PPHLN1: variants seen among roughly 807,000 people sequenced by gnomAD.
PPHLN1 encodes the protein periphilin 1.
Under a neutral mutation model 51.3 loss-of-function variants are expected in PPHLN1, and 29 were observed. The observed-to-expected ratio is 0.57, with a 90% CI of 0.42 to 0.77. The LOEUF (loss-of-function observed/expected upper bound fraction) is 0.77, where lower values mean the gene tolerates loss of function less well. Ranked by LOEUF, PPHLN1 falls within the 30% of genes least tolerant of loss-of-function variation. PPHLN1 has a pLI of 0.00. For synonymous variants in PPHLN1, 147 were observed against 147.8 expected, an observed-to-expected ratio of 0.99 and a Z score of 0.04; for missense variants, 436 against 438.4, an observed-to-expected ratio of 0.99 and a Z score of 0.05.
intron 2 of PPHLN1, among the ~76,000 whole-genome samples, chr12:42,344,954 G>GC (rs762413028): frequency 1.3e-5 from 2 of 151,920 alleles, no homozygotes; most frequent in African/African-American, 2.4e-5. Flanking sequence ...AAACTGATCT[G>GC]CCCCCCTCAG....
chr12:42,351,748 T>C, intron 2 of PPHLN1, 137 bp from the exon 3 acceptor site: 1 of 585,484 alleles, frequency 1.7e-6, no homozygotes, highest in East Asian at 3.5e-5. Context: ...GTTATATTTA[T>C]GTTATTTCAT....
intron 4 of PPHLN1, among the ~76,000 whole-genome samples, chr12:42,373,550 G>T (rs1160867695): frequency 6.6e-6 from 1 of 152,174 alleles, no homozygotes; most frequent in Non-Finnish European, 1.5e-5. Flanking sequence ...CTATTGGTAT[G>T]TCTCTTAGCA....
intron 2 of PPHLN1, among the ~76,000 whole-genome samples, chr12:42,347,685 C>T (rs1426322620): frequency 6.6e-6 from 1 of 152,138 alleles, no homozygotes; most frequent in Non-Finnish European, 1.5e-5. Flanking sequence ...GAGGCTGAGG[C>T]AGGAGAATCA....
chr12:42,357,421 A>G (rs1482954144), intron 4 of PPHLN1, among the ~76,000 whole-genome samples: 1 of 152,228 alleles, frequency 6.6e-6, no homozygotes, highest in African/African-American at 2.4e-5. Context: ...TTGATGTCAA[A>G]TAGACCAGTG....
rs1412737597 is a variant in PPHLN1 at position 42,393,662 on chromosome 12, T to C, written c.741T>C (p.Ser247=). ...AAEKLEKSDE[S]NLPEISEYEA... Reference sequence around the variant, plus strand: ...AAAAGCTAGAGAAATCAGATGAAAGTAACTTGCCTGAAATTTCTGAGTATG... The same window carrying C: ...AAAAGCTAGAGAAATCAGATGAAAGCAACTTGCCTGAAATTTCTGAGTATG... The change falls in exon 8 of 10, where the codon AGT becomes AGC. Residue 247 remains serine (S), a synonymous_variant. Transcript: ENST00000358314. The C allele has an allele frequency of 6.2e-7, 1 of 1,609,216 alleles. No homozygotes were observed. The highest frequency in any genetic ancestry group is 8.5e-7 in the Non-Finnish European group (1 of 1,178,504).
chr12:42,331,450 A>AGAAATTG (rs1363048711), intron 1 of PPHLN1, among the ~76,000 whole-genome samples: 2 of 152,222 alleles, frequency 1.3e-5, no homozygotes, highest in Non-Finnish European at 2.9e-5. Flanking sequence ...AATTTCCATG[A>AGAAATTG]CACTTTTGCT....
intron 9 of PPHLN1, among the ~76,000 whole-genome samples, chr12:42,429,505 C>T (rs1282223499): frequency 6.6e-6 from 1 of 152,204 alleles, no homozygotes; most frequent in Non-Finnish European, 1.5e-5. Context: ...GAACAGTTCA[C>T]GCTGTCTTAG....
intron 3 of PPHLN1, among the ~76,000 whole-genome samples, chr12:42,352,307 CTA>C (rs924878513): frequency 6.6e-6 from 1 of 151,928 alleles, no homozygotes; most frequent in Admixed American, 6.6e-5. Context: ...TTTTATTCCC[CTA>C]AATTGGCAGG....
At chr12:42,345,176 G>A (rs973312851) in intron 2 of PPHLN1, among the ~76,000 whole-genome samples, 11 of 152,028 alleles carry the variant, frequency 7.2e-5, no homozygotes, top group African/African-American at 2.7e-4. Flanking sequence ...TTCACCAGTT[G>A]GAAAACTAGG....
chr12:42,399,727 C>G (rs2078617915), intron 9 of PPHLN1: 1 of 152,230 alleles, frequency 6.6e-6, no homozygotes, highest in Non-Finnish European at 1.5e-5. Flanking sequence ...AGGGAATGGT[C>G]TCAAATCCTA....
chr12:42,365,847 G>T (rs1262518037), intron 4 of PPHLN1, among the ~76,000 whole-genome samples: 1 of 152,092 alleles, frequency 6.6e-6, no homozygotes, highest in Non-Finnish European at 1.5e-5. Context: ...CATAATCCTG[G>T]TTGTATTGTT....
At chr12:42,329,557 A>G (rs1365206213) in intron 1 of PPHLN1, among the ~76,000 whole-genome samples, 1 of 152,196 alleles carries the variant, frequency 6.6e-6, no homozygotes. Context: ...ATAATCTAAG[A>G]TACTATATAG....
Position 42,351,021 on chromosome 12 carries a change from G to A in PPHLN1, c.73-864G>A, listed in dbSNP as rs181226850. 3.6e-3 allele frequency among the ~76,000 whole-genome samples: 545 copies of A among 152,128 alleles called. 5 individuals are homozygous for A. The highest frequency in any genetic ancestry group is 0.013 in the African/African-American group (529 of 41,504). ...CGGGAGAGGGAGAGGGGGAGGGGAAGAGGGAGAGGGTTTTGTTTTTTTCCA... is the reference window on the plus strand; with the variant it reads ...CGGGAGAGGGAGAGGGGGAGGGGAAAAGGGAGAGGGTTTTGTTTTTTTCCA... On this transcript the variant is annotated intron_variant, in intron 2 of 9. Transcript: ENST00000358314.
chr12:42,344,224 G>A (rs2071929277), intron 2 of PPHLN1, among the ~76,000 whole-genome samples: 1 of 152,170 alleles, frequency 6.6e-6, no homozygotes, highest in Non-Finnish European at 1.5e-5. Context: ...TGCATTGTAA[G>A]TTGATTGTGA....
chr12:42,373,295 C>T (rs2075968737), intron 4 of PPHLN1, among the ~76,000 whole-genome samples: 1 of 148,916 alleles, frequency 6.7e-6, no homozygotes. Flanking sequence ...AGTGACTAAA[C>T]TAGTGCTAGA....
chr12:42,373,031 G>A (rs1385339846), intron 4 of PPHLN1, among the ~76,000 whole-genome samples: 1 of 152,144 alleles, frequency 6.6e-6, no homozygotes, highest in African/African-American at 2.4e-5. Flanking sequence ...AGATACCACT[G>A]TCTCTTGCCT....
intron 9 of PPHLN1, among the ~76,000 whole-genome samples, chr12:42,418,237 T>TA (rs1555216929): frequency 0.012 from 1,350 of 115,782 alleles, 19 homozygotes; most frequent in South Asian, 0.044. Flanking sequence ...TTTTTTTTTT[T>TA]AATCAACGCA....
intron 9 of PPHLN1, among the ~76,000 whole-genome samples, chr12:42,419,189 CAT>C (rs2080756307): frequency 6.6e-6 from 1 of 152,146 alleles, no homozygotes; most frequent in Admixed American, 6.6e-5. Context: ...TAAATTCTTT[CAT>C]ATGTGTGTTT....
chr12:42,405,069 G>T (rs1242289310), intron 9 of PPHLN1, among the ~76,000 whole-genome samples: 1 of 152,104 alleles, frequency 6.6e-6, no homozygotes, highest in Non-Finnish European at 1.5e-5. Context: ...TATTTTGGGG[G>T]ACTTTGTGAT....
Sources: gnomAD v4.1 joint callset for allele counts (sites outside exome capture counted in the v4.1 genomes callset) on GRCh38, gnomAD v4.1.1 for gene constraint, MANE v1.5 for transcripts, NCBI Gene and HGNC (gene_info 2026-07-23, HGNC 2026-07-21) for gene names.